Variants in SPOCK1 observed in about 807,000 individuals in gnomAD.
SPOCK1 encodes SPARC (osteonectin), cwcv and kazal like domains proteoglycan 1, also known as testican-1.
In SPOCK1, 23 loss-of-function variants were observed where a neutral mutation model predicts 55.3. That is an observed-to-expected ratio of 0.42 (90% CI 0.30 to 0.59). The LOEUF is 0.59. SPOCK1 is among the 20% of genes least tolerant of loss of function. The pLI, the probability that SPOCK1 is intolerant of heterozygous loss-of-function variation, is 0.22. For missense variants in SPOCK1, 499 were observed against 552.5 expected (o/e 0.90, Z 0.97); for synonymous variants, 226 against 221.0 (o/e 1.02, Z -0.20).
chr5:137,421,739 G>A (rs1279516088), intron 2 of SPOCK1, among the ~76,000 whole-genome samples: 1 of 152,160 alleles, frequency 6.6e-6, no homozygotes, highest in Non-Finnish European at 1.5e-5. Flanking sequence ...GATGGGTCTT[G>A]ACTCTTTATT....
At chr5:137,188,786 A>G (rs1755121039) in intron 3 of SPOCK1, among the ~76,000 whole-genome samples, 1 of 152,282 alleles carries the variant, frequency 6.6e-6, no homozygotes, top group South Asian at 2.1e-4. Context: ...GAAAGCCGAG[A>G]CAGGCTAAAA....
intron 2 of SPOCK1, among the ~76,000 whole-genome samples, chr5:137,462,508 T>C (rs1488334074): frequency 6.6e-6 from 1 of 152,226 alleles, no homozygotes; most frequent in Non-Finnish European, 1.5e-5. Context: ...GTGGTCAGAC[T>C]GCCAGGCTTG....
At chr5:137,193,113 G>C (rs769872472) in intron 3 of SPOCK1, among the ~76,000 whole-genome samples, 7 of 152,264 alleles carry the variant, frequency 4.6e-5, no homozygotes, top group Non-Finnish European at 1.0e-4. Context: ...ATGTTTGTGT[G>C]GCAAAGACTC....
intron 2 of SPOCK1, among the ~76,000 whole-genome samples, chr5:137,331,411 C>T (rs1758178614): frequency 6.6e-6 from 1 of 152,192 alleles, no homozygotes; most frequent in Non-Finnish European, 1.5e-5. Flanking sequence ...CTCACTAGGG[C>T]CCACAAGAGA....
At chr5:137,067,103 G>C (rs973510301) in intron 6 of SPOCK1, among the ~76,000 whole-genome samples, 1 of 152,040 alleles carries the variant, frequency 6.6e-6, no homozygotes, top group Non-Finnish European at 1.5e-5. Flanking sequence ...TCTCACCAAG[G>C]AAGGCTCAAA....
At chr5:137,440,292 C>CT (rs1337403742) in intron 2 of SPOCK1, among the ~76,000 whole-genome samples, 1 of 12,776 alleles carries the variant, frequency 7.8e-5, no homozygotes, top group Admixed American at 4.9e-4. Flanking sequence ...AGAAAAGCTC[C>CT]TAGAAAATAG....
chr5:137,116,177 G>A (rs1187856728), intron 4 of SPOCK1, among the ~76,000 whole-genome samples: 3 of 152,290 alleles, frequency 2.0e-5, no homozygotes, highest in East Asian at 1.9e-4. Context: ...AGCCATCCAC[G>A]ATGGCAAGAA....
intron 3 of SPOCK1, among the ~76,000 whole-genome samples, chr5:137,207,145 C>T (rs530814206): frequency 6.6e-6 from 1 of 152,362 alleles, no homozygotes; most frequent in Non-Finnish European, 1.5e-5. Flanking sequence ...TGCCCAGGTC[C>T]TCTGGTATCC....
Position 136,975,721 on chromosome 5 carries a change from G to C in SPOCK1, c.*2933C>G, listed in dbSNP as rs1750599058. On this transcript the variant is annotated 3_prime_UTR_variant, in exon 11 of 11. Transcript: ENST00000394945. ...CATTTGCTGCTGTGGGTAGGAAAAT[G>C]GGCGTAAAGGAGGAGAAACAGATAC... 6.6e-6 allele frequency: 1 copy of C among 152,174 alleles called. No individual in the cohort carries two copies. The highest frequency in any genetic ancestry group is 1.5e-5 in the Non-Finnish European group (1 of 68,036). The allele number at this position is 152,174 out of a possible 1,614,324, so 9.4% of individuals were successfully genotyped here. A position where few individuals can be genotyped will look rare whatever the true frequency, so the allele number is the denominator to read the frequency against.
At chr5:137,419,593 C>T (rs1290856644) in intron 2 of SPOCK1, among the ~76,000 whole-genome samples, 1 of 152,146 alleles carries the variant, frequency 6.6e-6, no homozygotes, top group Non-Finnish European at 1.5e-5. Flanking sequence ...CATGATTTGG[C>T]TCTCTGTTTG....
intron 4 of SPOCK1, among the ~76,000 whole-genome samples, chr5:137,119,755 T>C (rs1480360689): frequency 6.6e-6 from 1 of 152,180 alleles, no homozygotes; most frequent in Non-Finnish European, 1.5e-5. Context: ...AAATATGTAA[T>C]AATAACAATA....
intron 4 of SPOCK1, among the ~76,000 whole-genome samples, chr5:137,139,161 C>T (rs1754045864): frequency 6.6e-6 from 1 of 152,198 alleles, no homozygotes; most frequent in Non-Finnish European, 1.5e-5. Flanking sequence ...GAGAAAAGCA[C>T]ATTATGATAC....
intron 2 of SPOCK1, among the ~76,000 whole-genome samples, chr5:137,451,534 A>G (rs1009892381): frequency 1.3e-5 from 2 of 152,230 alleles, no homozygotes; most frequent in African/African-American, 4.8e-5. Context: ...TCAAAGTAAT[A>G]TGAAAGATCT....
At chr5:137,262,068 C>T (rs905646552) in intron 3 of SPOCK1, among the ~76,000 whole-genome samples, 2 of 152,184 alleles carry the variant, frequency 1.3e-5, no homozygotes, top group African/African-American at 4.8e-5. Flanking sequence ...CCATTTTCTT[C>T]TTCTAAAAGA....
intron 2 of SPOCK1, among the ~76,000 whole-genome samples, chr5:137,366,725 A>G (rs1040761728): frequency 2.0e-5 from 3 of 152,304 alleles, no homozygotes; most frequent in Non-Finnish European, 4.4e-5. Flanking sequence ...GATATAAGTG[A>G]TTAAGTAGGA....
intron 2 of SPOCK1, among the ~76,000 whole-genome samples, chr5:137,268,635 A>C (rs1756902904): frequency 6.6e-6 from 1 of 152,252 alleles, no homozygotes; most frequent in Admixed American, 6.5e-5. Flanking sequence ...AAGTGTTCTT[A>C]GCCTTAGACA....
At chr5:137,419,673 G>T (rs1752439991) in intron 2 of SPOCK1, among the ~76,000 whole-genome samples, 1 of 152,216 alleles carries the variant, frequency 6.6e-6, no homozygotes, top group South Asian at 2.1e-4. Context: ...CTTTGCTGAA[G>T]TTGCCTATCA....
intron 2 of SPOCK1, among the ~76,000 whole-genome samples, chr5:137,281,240 A>G (rs1035161405): frequency 1.3e-5 from 2 of 152,244 alleles, no homozygotes; most frequent in African/African-American, 4.8e-5. Flanking sequence ...AGCCCAGAAA[A>G]GTAAAATCAT....
intron 2 of SPOCK1, among the ~76,000 whole-genome samples, chr5:137,306,535 A>C (rs556863627): frequency 6.6e-6 from 1 of 152,338 alleles, no homozygotes; most frequent in African/African-American, 2.4e-5. Flanking sequence ...AAATTTCCTC[A>C]GCCATGCTAG....
Sources: allele counts gnomAD v4.1 joint callset (sites outside exome capture counted in the v4.1 genomes callset), GRCh38; gene constraint gnomAD v4.1.1; transcripts MANE v1.5; gene names NCBI Gene and HGNC (gene_info 2026-07-23, HGNC 2026-07-21).